Variants in SHROOM4 observed in about 807,000 individuals in gnomAD.
The protein encoded by SHROOM4 is protein Shroom4.
Under a neutral mutation model 80.3 loss-of-function variants are expected in SHROOM4, and 17 were observed. That is an observed-to-expected ratio of 0.21 (90% CI 0.14 to 0.32). The LOEUF is 0.32. Among genes scored for constraint, SHROOM4 ranks in the 10% least tolerant of loss-of-function variants. The pLI, the probability that SHROOM4 is intolerant of heterozygous loss-of-function variation, is 1.00. For synonymous variants in SHROOM4, 400 were observed against 437.5 expected (o/e 0.91, Z 1.07); for missense variants, 993 against 1,140.3 (o/e 0.87, Z 1.86).
intron 1 of SHROOM4, among the ~76,000 whole-genome samples, chrX:50,761,585 C>T (rs183946070): frequency 6.9e-4 from 76 of 110,915 alleles, no homozygotes; most frequent in Non-Finnish European, 1.1e-3. Context: ...TTTTTTGAGA[C>T]GGAGTCTCGC....
intron 1 of SHROOM4, among the ~76,000 whole-genome samples, chrX:50,700,136 G>T (rs1379634628): frequency 1.8e-5 from 2 of 108,927 alleles, no homozygotes; most frequent in African/African-American, 7.1e-5. Context: ...AGCCCATACT[G>T]CTACCTCCAC....
rs142422028 is a variant in SHROOM4, at chrX:50,720,865, T to A, written c.118-24928A>T. 9.4e-3 allele frequency among the ~76,000 whole-genome samples: 1,046 copies of A among 111,751 alleles called. 10 individuals carry two copies. The highest frequency in any genetic ancestry group is 0.031 in the African/African-American group (966 of 30,767). On this transcript the variant is annotated intron_variant, in intron 1 of 8. Coordinates refer to ENST00000376020, the MANE Select transcript of SHROOM4 (RefSeq NM_020717.5). The stretch of plus-strand genomic sequence containing the variant: ...TGATGTGGGGAAGAAAAAAAAAATG[T>A]TCAAGAAAGTATAAATAGTTTTGTG...
chrX:50,601,575 A>G (rs1557247655), intron 7 of SHROOM4, among the ~76,000 whole-genome samples: 1 of 111,880 alleles, frequency 8.9e-6, no homozygotes, highest in Non-Finnish European at 1.9e-5. Context: ...TGCCATGACA[A>G]CCCTATTTGC....
chrX:50,592,570 A>G lies in SHROOM4; in HGVS notation c.*4125T>C, dbSNP rs1015245533. ...TAGAAGGAGGATAGTTGGAATGTGA[A>G]CAGAATATGGATCACGAAAAAAGAA... On this transcript the variant is annotated 3_prime_UTR_variant, in exon 9 of 9. Coordinates refer to ENST00000376020, the MANE Select transcript of SHROOM4 (RefSeq NM_020717.5). 1 of 159,756 alleles carries G rather than the reference A, an allele frequency of 6.3e-6. No homozygotes were observed. Among genetic ancestry groups the G allele is most frequent in the East Asian group, 1.7e-4 (1 of 5,843 alleles). The allele number at this position is 159,756 out of a possible 1,213,427, so 13.2% of individuals were successfully genotyped here.
At chrX:50,627,780 C>A (rs1018513819) in intron 4 of SHROOM4, 105 bp from the exon 5 acceptor site, 1 of 650,844 alleles carries the variant, frequency 1.5e-6, no homozygotes, top group Non-Finnish European at 2.5e-6. Flanking sequence ...CCCAGCCCCC[C>A]AGCTTGTTTC....
intron 5 of SHROOM4, among the ~76,000 whole-genome samples, chrX:50,618,707 T>A (rs1039410126): frequency 1.8e-5 from 2 of 111,641 alleles, no homozygotes; most frequent in African/African-American, 6.5e-5. Flanking sequence ...GGTTGCCAAG[T>A]GTTGGGCCCC....
At chrX:50,806,025 C>T (rs1177473209) in intron 1 of SHROOM4, among the ~76,000 whole-genome samples, 1 of 104,461 alleles carries the variant, frequency 9.6e-6, no homozygotes, top group Non-Finnish European at 1.9e-5. Context: ...CTCACTGTGA[C>T]CAAAAAAGAA....
chrX:50,786,796 T>C (rs1413311986), intron 1 of SHROOM4, among the ~76,000 whole-genome samples: 5 of 111,725 alleles, frequency 4.5e-5, no homozygotes, highest in Non-Finnish European at 7.5e-5. Context: ...ATAAATGTCC[T>C]GGTATCATAA....
chrX:50,606,590 T>TA (rs1221275599), intron 6 of SHROOM4, among the ~76,000 whole-genome samples: 108 of 100,483 alleles, frequency 1.1e-3, no homozygotes, highest in African/African-American at 2.3e-3. Flanking sequence ...CAAAAGAAAT[T>TA]AAAAAAAAAA....
At position 50,616,848 on chromosome X, in the gene SHROOM4, T is replaced by A. The variant is rs782044880; in HGVS notation, c.2958-8664A>T. On this transcript the variant is annotated intron_variant, in intron 5 of 8. Coordinates refer to ENST00000376020, the MANE Select transcript of SHROOM4 (RefSeq NM_020717.5). ...GTTCCAATTAGGTTGGTTTCCAAAC[T>A]ATACATTCTGTCCCCCATCCCTCAC... 3.6e-5 allele frequency among the ~76,000 whole-genome samples: 4 copies of A among 111,887 alleles called. No homozygotes were observed. In the South Asian group the frequency reaches 1.5e-3, roughly 43 times the overall value.
At chrX:50,621,721 T>C (rs1299668919) in intron 5 of SHROOM4, among the ~76,000 whole-genome samples, 14 of 112,162 alleles carry the variant, frequency 1.2e-4, no homozygotes, top group African/African-American at 4.5e-4. Context: ...TCCGAGCCTC[T>C]GAAGGCTGCA....
At chrX:50,653,706 C>T (rs1932201768) in intron 2 of SHROOM4, among the ~76,000 whole-genome samples, 1 of 111,657 alleles carries the variant, frequency 9.0e-6, no homozygotes, top group Admixed American at 9.5e-5. Flanking sequence ...GTGGGTTTGT[C>T]ATATATAGCT....
chrX:50,780,200 G>A (rs183658813), intron 1 of SHROOM4, among the ~76,000 whole-genome samples: 49 of 111,781 alleles, frequency 4.4e-4, no homozygotes, highest in African/African-American at 1.6e-3. Context: ...AGCCAACTAA[G>A]TAGTAGGCAG....
intron 2 of SHROOM4, among the ~76,000 whole-genome samples, chrX:50,671,421 T>C (rs1177287944): frequency 8.9e-6 from 1 of 112,357 alleles, no homozygotes; most frequent in Non-Finnish European, 1.9e-5. Flanking sequence ...CTGTTTGGTC[T>C]ACATTAAAAA....
chrX:50,695,733 C>A (rs980009066), intron 2 of SHROOM4, 53 bp downstream of exon 2: 1 of 1,178,345 alleles, frequency 8.5e-7, no homozygotes. Context: ...GCTTTATTAC[C>A]AACCAAGTTT....
intron 7 of SHROOM4, among the ~76,000 whole-genome samples, chrX:50,602,170 C>A (rs782667541): frequency 9.2e-6 from 1 of 108,632 alleles, no homozygotes; most frequent in African/African-American, 3.4e-5. Context: ...CGGCTCACTG[C>A]AACCTCCGCC....
At chrX:50,756,893 G>C (rs1396274937) in intron 1 of SHROOM4, among the ~76,000 whole-genome samples, 3 of 111,956 alleles carry the variant, frequency 2.7e-5, no homozygotes, top group African/African-American at 9.7e-5. Context: ...TAAAGACTTT[G>C]TATGATATAT....
At chrX:50,578,615 T>C in the SHROOM4 span, among the ~76,000 whole-genome samples, 2 of 111,530 alleles carry the variant, frequency 1.8e-5, no homozygotes, top group African/African-American at 6.5e-5. Flanking sequence ...AGTTTTTGTA[T>C]TTTTAGTAGA....
intron 1 of SHROOM4, among the ~76,000 whole-genome samples, chrX:50,788,603 G>A (rs1935795124): frequency 1.1e-5 from 1 of 93,009 alleles, no homozygotes; most frequent in Non-Finnish European, 2.0e-5. Context: ...GCGAGACTCC[G>A]TCTCAAAAAA....
Sources: allele counts gnomAD v4.1 joint callset (sites outside exome capture counted in the v4.1 genomes callset), GRCh38; gene constraint gnomAD v4.1.1; transcripts MANE v1.5; gene names NCBI Gene and HGNC (gene_info 2026-07-23, HGNC 2026-07-21).